Variants in PDIA5 observed in about 807,000 individuals in gnomAD.
PDIA5 encodes protein disulfide-isomerase A5.
A neutral mutation model predicts 77.6 loss-of-function variants in PDIA5; 58 were observed. That is an observed-to-expected ratio of 0.75 (90% CI 0.61 to 0.93). PDIA5 has a LOEUF of 0.93. PDIA5 is among the 40% of genes least tolerant of loss of function. The probability of loss-of-function intolerance (pLI) is 0.00; values close to 1 mark genes in which losing one functional copy is unlikely to be tolerated. For synonymous variants in PDIA5, 250 were observed against 252.1 expected, an observed-to-expected ratio of 0.99 and a Z score of 0.08; for missense variants, 630 against 647.7, an observed-to-expected ratio of 0.97 and a Z score of 0.30.
Position 123,161,925 on chromosome 3 carries a change from C to T in PDIA5, c.1525C>T (p.His509Tyr). Residue 509 changes from histidine to tyrosine, a missense_variant, in exon 17 of 17, where the codon CAT becomes TAT. By Grantham distance (83) the His-to-Tyr change is moderately conservative. Coordinates refer to ENST00000316218, the MANE Select transcript of PDIA5 (RefSeq NM_006810.4). Reference protein sequence around the residue: ...NYIRALREGDHERLGKKKEEL With the variant: ...NYIRALREGDYERLGKKKEEL ...TATTCGAGCCCTCCGGGAGGGAGAC[C>T]ATGAAAGACTAGGGAAAAAGAAGGA... 6.2e-7 allele frequency: 1 copy of T among 1,605,994 alleles called. No individual in the cohort carries two copies.
At chr3:123,151,738 G>GCCTGCCTGCCTT (rs1560561399) in intron 14 of PDIA5, among the ~76,000 whole-genome samples, 9 of 67,910 alleles carry the variant, frequency 1.3e-4, no homozygotes, top group Non-Finnish European at 2.4e-4. Flanking sequence ...CTTCCTTCCT[G>GCCTGCCTGCCTT]CCTGCCTGCC....
At chr3:123,134,070 C>T (rs1935434875) in intron 11 of PDIA5, among the ~76,000 whole-genome samples, 1 of 151,718 alleles carries the variant, frequency 6.6e-6, no homozygotes, top group Admixed American at 6.6e-5. Flanking sequence ...GTCACTCAGG[C>T]TGGAGTGCAG....
chr3:123,150,544 G>A (rs1935869522), intron 14 of PDIA5, among the ~76,000 whole-genome samples, 180 bp downstream of exon 14: 1 of 152,076 alleles, frequency 6.6e-6, no homozygotes, highest in South Asian at 2.1e-4. Flanking sequence ...CAAATCCAGG[G>A]CCTCCTTTTG....
At chr3:123,151,855 GCCCTCCTT>G (rs1361905774) in intron 14 of PDIA5, among the ~76,000 whole-genome samples, 1 of 120,982 alleles carries the variant, frequency 8.3e-6, no homozygotes, top group African/African-American at 3.2e-5. Context: ...CTTCCTTCCT[GCCCTCCTT>G]CCTTCCTGCC....
intron 3 of PDIA5, among the ~76,000 whole-genome samples, chr3:123,093,166 G>A (rs1934343242): frequency 6.6e-6 from 1 of 152,182 alleles, no homozygotes; most frequent in Non-Finnish European, 1.5e-5. Context: ...TTCTGCCTGT[G>A]ATTAGAGAGC....
Position 123,102,495 on chromosome 3 carries a change from G to A in PDIA5, c.341+1G>A. ...AAAAGGTTGAATTATTCCATTACCAGTAAGTACACATGGGCATTTCCAATT... is the reference window on the plus strand; with the variant it reads ...AAAAGGTTGAATTATTCCATTACCAATAAGTACACATGGGCATTTCCAATT... On this transcript the variant is annotated splice_donor_variant, in intron 4 of 16. Transcript: ENST00000316218. LOFTEE classifies it high-confidence loss of function. The A allele has an allele frequency of 5.6e-6, 9 of 1,609,368 alleles. No individual in the cohort carries two copies. Among genetic ancestry groups the A allele is most frequent in the Non-Finnish European group, 6.8e-6 (8 of 1,175,598 alleles).
intron 15 of PDIA5, among the ~76,000 whole-genome samples, chr3:123,156,196 A>C (rs1006204271): frequency 6.6e-6 from 1 of 152,174 alleles, no homozygotes; most frequent in Non-Finnish European, 1.5e-5. Context: ...CATAAAGCCA[A>C]AGGAAGCCAG....
rs577832400 is a variant in PDIA5, at chr3:123,096,829, C to T, written c.257+4387C>T. Among the ~76,000 whole-genome samples the T allele has an allele frequency of 3.9e-5, 6 of 152,322 alleles. No homozygotes were observed. The East Asian group carries it at 7.7e-4, about 20-fold the overall frequency. On this transcript the variant is annotated intron_variant, in intron 3 of 16. Coordinates refer to ENST00000316218, the MANE Select transcript of PDIA5 (RefSeq NM_006810.4). Reference sequence around the variant, plus strand: ...TTGTGTGTGCGGGAGTTGGTATTCCCCTCGTGCCCTGCCAGCTGGGCGCTG... The same window carrying T: ...TTGTGTGTGCGGGAGTTGGTATTCCTCTCGTGCCCTGCCAGCTGGGCGCTG...
intron 3 of PDIA5, among the ~76,000 whole-genome samples, chr3:123,100,990 T>G (rs988958537): frequency 6.6e-6 from 1 of 152,212 alleles, no homozygotes; most frequent in African/African-American, 2.4e-5. Flanking sequence ...GTAGCCGAGA[T>G]GCCCTTACTG....
At chr3:123,145,373 C>T (rs540029881) in intron 11 of PDIA5, 149 bp from the exon 12 acceptor site, 89 of 612,064 alleles carry the variant, frequency 1.5e-4, no homozygotes, top group African/African-American at 1.1e-3. Flanking sequence ...GTGGATTATG[C>T]AAAATATTTC....
intron 11 of PDIA5, among the ~76,000 whole-genome samples, chr3:123,142,722 C>T (rs959804155): frequency 6.6e-6 from 1 of 152,210 alleles, no homozygotes; most frequent in Non-Finnish European, 1.5e-5. Flanking sequence ...TCTGGGGGGG[C>T]CGAGCTCAGC....
rs878956054 is a variant in PDIA5, at chr3:123,130,627, C to A, written c.910+11C>A. On this transcript the variant is annotated intron_variant, in intron 11 of 16. Transcript: ENST00000316218. ...TGTTCCACGCCCCATGTGAGTGGAACTTTGCTCCTCCCCCTCCACACCCTC... is the reference window on the plus strand; with the variant it reads ...TGTTCCACGCCCCATGTGAGTGGAAATTTGCTCCTCCCCCTCCACACCCTC... 4 of 1,613,686 alleles carry A rather than the reference C, an allele frequency of 2.5e-6. No homozygotes were observed. The African/African-American group carries it at 5.3e-5, about 22-fold the overall frequency.
chr3:123,112,764 T>C (rs973995178), intron 7 of PDIA5, among the ~76,000 whole-genome samples: 2 of 152,090 alleles, frequency 1.3e-5, no homozygotes, highest in South Asian at 2.1e-4. Flanking sequence ...TTCACCATGT[T>C]GCCCAGGCTG....
intron 1 of PDIA5, among the ~76,000 whole-genome samples, chr3:123,069,905 C>A (rs1299534084): frequency 6.6e-6 from 1 of 152,056 alleles, no homozygotes; most frequent in African/African-American, 2.4e-5. Flanking sequence ...GCCTGGCCAA[C>A]ATGGTGAAAC....
intron 1 of PDIA5, among the ~76,000 whole-genome samples, chr3:123,083,561 G>A (rs910701147): frequency 1.3e-5 from 2 of 152,188 alleles, no homozygotes; most frequent in East Asian, 1.9e-4. Context: ...CCTCTAGAGC[G>A]ATTGACTTCG....
chr3:123,119,758 C>A (rs1935064306), intron 8 of PDIA5, among the ~76,000 whole-genome samples: 1 of 152,220 alleles, frequency 6.6e-6, no homozygotes, highest in African/African-American at 2.4e-5. Flanking sequence ...TCACCCCCTC[C>A]TCGCTGCTGA....
rs543610508 is a variant in PDIA5 at position 123,136,051 on chromosome 3, C to G, written c.910+5435C>G. Among the ~76,000 whole-genome samples, 6 of 151,982 alleles carry G rather than the reference C, an allele frequency of 3.9e-5. No individual in the cohort carries two copies. The East Asian group carries it at 1.2e-3, about 29-fold the overall frequency. The stretch of plus-strand genomic sequence containing the variant: ...GCTTAAATGATCCTTCCACTTCAGC[C>G]TCCTGAGTAGCTGGGACTACAGGCA... On this transcript the variant is annotated intron_variant, in intron 11 of 16. Coordinates refer to ENST00000316218, the MANE Select transcript of PDIA5 (RefSeq NM_006810.4).
chr3:123,070,044 C>T (rs61701606), intron 1 of PDIA5, among the ~76,000 whole-genome samples: 4,708 of 149,188 alleles, frequency 0.032, 269 homozygotes, highest in African/African-American at 0.11. Context: ...GGGCTGAGAT[C>T]GCGCCACTGC....
chr3:123,112,534 CTT>C (rs55977938), intron 7 of PDIA5, among the ~76,000 whole-genome samples: 660 of 61,502 alleles, frequency 0.011, 6 homozygotes, highest in African/African-American at 0.04. Context: ...CAGCCCTATT[CTT>C]TTTTTTTTTT....
Sources: gnomAD v4.1 joint callset for allele counts (sites outside exome capture counted in the v4.1 genomes callset) on GRCh38, gnomAD v4.1.1 for gene constraint, MANE v1.5 for transcripts, NCBI Gene and HGNC (gene_info 2026-07-23, HGNC 2026-07-21) for gene names.